The following DPP8 variants were observed in gnomAD, a reference collection of about 807,000 sequenced individuals.
DPP8 encodes dipeptidyl peptidase 8.
DPP8 carries 31 observed loss-of-function variants against 107.5 expected under a neutral mutation model. The ratio of observed to expected loss-of-function variants is 0.29; its 90% CI spans 0.22 to 0.39. The LOEUF is 0.39. Among genes scored for constraint, DPP8 ranks in the 10% least tolerant of loss-of-function variants. DPP8 has a pLI of 1.00. For missense variants in DPP8, 842 were observed against 1,076.1 expected, an observed-to-expected ratio of 0.78 and a Z score of 3.04; for synonymous variants, 381 against 356.6, an observed-to-expected ratio of 1.07 and a Z score of -0.77.
Position 65,452,054 on chromosome 15 carries a change from C to T in DPP8, c.2320G>A (p.Gly774Arg). The change falls in exon 18 of 20, where the codon GGA becomes AGA. Residue 774 changes from glycine to arginine, a missense_variant. By Grantham distance (125) the Gly-to-Arg change is moderately radical. Transcript: ENST00000300141. ...PVTLWIFYDT[G>R]YTERYMGHPD... is the part of the protein sequence containing the mutation. Reference sequence around the variant, plus strand: ...TGACCCATATAACGTTCCGTGTATCCTGTATCATAGAAGATCCACAGAGTG... The same window carrying T: ...TGACCCATATAACGTTCCGTGTATCTTGTATCATAGAAGATCCACAGAGTG... 1 of 1,611,970 alleles carries T rather than the reference C, an allele frequency of 6.2e-7. No homozygotes were observed. The highest frequency in any genetic ancestry group is 8.5e-7 in the Non-Finnish European group (1 of 1,179,074).
chr15:65,514,577 C>T (rs1367616780), intron 1 of DPP8, among the ~76,000 whole-genome samples: 1 of 152,150 alleles, frequency 6.6e-6, no homozygotes, highest in African/African-American at 2.4e-5. Context: ...GGCGCGAGAT[C>T]TCGGCTCACT....
intron 19 of DPP8, 91 bp from the exon 20 acceptor site, chr15:65,447,097 TTAA>T: frequency 3.0e-6 from 3 of 994,254 alleles, no homozygotes; most frequent in Non-Finnish European, 2.9e-6. Flanking sequence ...TTTAACAGGA[TTAA>T]TAATACGAAG....
In DPP8 at chr15:65,443,777, A is replaced by G. The variant is rs2063385755; in HGVS notation, c.*3107T>C. ...GTGAATCAGTCCAGTGTAAAAAATCACCTATTATTAATCCAACTCCATTCT... is the reference window on the plus strand; with the variant it reads ...GTGAATCAGTCCAGTGTAAAAAATCGCCTATTATTAATCCAACTCCATTCT... On this transcript the variant is annotated 3_prime_UTR_variant, in exon 20 of 20. Transcript: ENST00000300141. 6.6e-6 allele frequency: 1 copy of G among 152,230 alleles called. No individual in the cohort carries two copies. Among genetic ancestry groups the G allele is most frequent in the African/African-American group, 2.4e-5 (1 of 41,454 alleles). 9.4% of individuals were successfully genotyped at this position (152,230 alleles called of 1,614,324 possible).
chr15:65,451,154 T>C (rs992614728), intron 18 of DPP8, 44 bp from the exon 19 acceptor site: 1 of 1,161,014 alleles, frequency 8.6e-7, no homozygotes, highest in African/African-American at 1.5e-5. Flanking sequence ...AATAGTAGAG[T>C]ATTTGGGAAA....
Position 65,508,249 on chromosome 15 carries a change from AAAG to A in DPP8, c.260-897_260-895del, listed in dbSNP as rs200170847. On this transcript the variant is annotated intron_variant, in intron 2 of 19. Coordinates refer to ENST00000300141, the MANE Select transcript of DPP8 (RefSeq NM_130434.5). Reference sequence around the variant, plus strand: ...AGCAAGACTCCGTCTCAAAAAAAAAAAAGTTCTGTAACTATAATCATTAATAAG... The same window carrying A: ...AGCAAGACTCCGTCTCAAAAAAAAAATTCTGTAACTATAATCATTAATAAG... 1.4e-4 allele frequency among the ~76,000 whole-genome samples: 22 copies of A among 152,282 alleles called. No homozygotes were observed. In the East Asian group the frequency reaches 3.9e-3, roughly 27 times the overall value.
At chr15:65,457,152 C>T (rs375229789) in intron 15 of DPP8, among the ~76,000 whole-genome samples, 262 of 152,160 alleles carry the variant, frequency 1.7e-3, no homozygotes, top group African/African-American at 4.7e-3. Flanking sequence ...GTCAGGAGTT[C>T]GAGACCAGCC....
intron 7 of DPP8, among the ~76,000 whole-genome samples, chr15:65,485,544 C>CAAAAAAAA (rs56940292): frequency 1.8e-4 from 11 of 61,234 alleles, no homozygotes; most frequent in African/African-American, 4.3e-4. Flanking sequence ...GACTCCATCT[C>CAAAAAAAA]AAAAAAAAAA....
intron 4 of DPP8, among the ~76,000 whole-genome samples, chr15:65,498,265 T>C (rs976273533): frequency 2.0e-5 from 3 of 152,080 alleles, no homozygotes; most frequent in Non-Finnish European, 4.4e-5. Flanking sequence ...CTACCAAAAA[T>C]ACAAAAATTA....
At chr15:65,491,187 T>C (rs1306681806) in intron 5 of DPP8, among the ~76,000 whole-genome samples, 1 of 151,090 alleles carries the variant, frequency 6.6e-6, no homozygotes, top group African/African-American at 2.4e-5. Flanking sequence ...AAAAAAGATT[T>C]TGTGTCATGA....
intron 1 of DPP8, among the ~76,000 whole-genome samples, chr15:65,513,252 T>A (rs1324872166): frequency 2.0e-5 from 3 of 152,136 alleles, no homozygotes; most frequent in Non-Finnish European, 4.4e-5. Context: ...CTCGCTCTGT[T>A]ACCCAGACTG....
At chr15:65,514,897 G>A (rs1209767959) in intron 1 of DPP8, among the ~76,000 whole-genome samples, 2 of 152,192 alleles carry the variant, frequency 1.3e-5, no homozygotes, top group East Asian at 3.8e-4. Flanking sequence ...AACTTCTCTT[G>A]TGTTACGTTT....
intron 5 of DPP8, among the ~76,000 whole-genome samples, chr15:65,491,542 G>C (rs1370033100): frequency 6.6e-6 from 1 of 152,150 alleles, no homozygotes; most frequent in Non-Finnish European, 1.5e-5. Flanking sequence ...GCATATTCTA[G>C]AAGTTCATGT....
rs1595819473 is a variant in DPP8 at position 65,446,129 on chromosome 15, AT to A, written c.*754del. Reference sequence around the variant, plus strand: ...TTAAGCTCTAATCATTTGATTAAAAATTTTCTGCCTGTAATTATCAATATCA... The same window carrying A: ...TTAAGCTCTAATCATTTGATTAAAAATTTCTGCCTGTAATTATCAATATCA... On this transcript the variant is annotated 3_prime_UTR_variant, in exon 20 of 20. Transcript: ENST00000300141. 6.6e-6 allele frequency: 1 copy of A among 152,076 alleles called. No homozygotes were observed. Among genetic ancestry groups the A allele is most frequent in the East Asian group, 1.9e-4 (1 of 5,202 alleles). 9.4% of individuals were successfully genotyped at this position (152,076 alleles called of 1,614,324 possible).
chr15:65,508,800 C>A (rs1288741613), intron 2 of DPP8, among the ~76,000 whole-genome samples: 5 of 151,820 alleles, frequency 3.3e-5, no homozygotes, highest in African/African-American at 1.2e-4. Flanking sequence ...TGCAATAAAC[C>A]GAGATCACGC....
At chr15:65,448,898 A>G (rs1351389144) in intron 19 of DPP8, among the ~76,000 whole-genome samples, 3,229 of 83,104 alleles carry the variant, frequency 0.039, 576 homozygotes, top group African/African-American at 0.15. Flanking sequence ...ATATATATAT[A>G]TATATATATA....
rs376421979 is a variant in DPP8 at position 65,450,263 on chromosome 15, G to A, written c.2526+736C>T. On this transcript the variant is annotated intron_variant, in intron 19 of 19. Transcript: ENST00000300141. ...GATTACAGGTATGAGCCACTGTGCCGGGCTGATAGTTTATTATTTTAAAAT... is the reference window on the plus strand; with the variant it reads ...GATTACAGGTATGAGCCACTGTGCCAGGCTGATAGTTTATTATTTTAAAAT... Among the ~76,000 whole-genome samples, 9 of 152,066 alleles carry A rather than the reference G, an allele frequency of 5.9e-5. No individual in the cohort carries two copies. In the South Asian group the frequency reaches 6.2e-4, roughly 11 times the overall value.
At position 65,449,951 on chromosome 15, in the gene DPP8, A is replaced by T. The variant is rs1398983657; in HGVS notation, c.2526+1048T>A. Among the ~76,000 whole-genome samples the T allele has an allele frequency of 7.6e-5, 9 of 118,162 alleles. No homozygotes were observed. The South Asian group carries it at 2.0e-3, about 27-fold the overall frequency. 77.5% of individuals were successfully genotyped at this position (118,162 alleles called of 152,430 possible). On this transcript the variant is annotated intron_variant, in intron 19 of 19. Transcript: ENST00000300141. ...AAAAACGTGATTTGTGTTAACATGT[A>T]ATAGTTTATTATTATTATTATTATT...
At position 65,497,873 on chromosome 15, in the gene DPP8, C is replaced by A; in HGVS notation, c.706G>T (p.Val236Leu). 1 of 1,550,914 alleles carries A rather than the reference C, an allele frequency of 6.4e-7. No homozygotes were observed. The highest frequency in any genetic ancestry group is 2.3e-5 in the East Asian group (1 of 43,176). Residue 236 changes from valine (V) to leucine (L), a missense_variant, in exon 5 of 20, where the codon GTG becomes TTG. Val to Leu is a conservative substitution (Grantham distance 32, BLOSUM62 1). This residue lies in a region of DPP8 where 663 missense variants were observed against 758.0 expected (regional missense o/e 0.87). Transcript: ENST00000300141. ...AAGAACTACGCCTTACCATTGTGCA[C>A]ATAAGTGAGTCTCCTTTCTTCTCTG... ...VTREERRLTYVHNELANMEED... is the reference protein window; with the variant it reads ...VTREERRLTYLHNELANMEED...
At chr15:65,480,118 C>T (rs1356363794) in intron 10 of DPP8, 104 bp downstream of exon 10, 5 of 910,738 alleles carry the variant, frequency 5.5e-6, no homozygotes, top group Non-Finnish European at 8.1e-6. Context: ...TAACATGGTC[C>T]CTTTAAACTT....
Sources: gnomAD v4.1 joint callset for allele counts (sites outside exome capture counted in the v4.1 genomes callset) on GRCh38, gnomAD v4.1.1 for gene constraint, gnomAD v4.1.1 regional missense constraint, MANE v1.5 for transcripts, NCBI Gene and HGNC (gene_info 2026-07-23, HGNC 2026-07-21) for gene names.